ZNF730: variants seen among roughly 807,000 people sequenced by gnomAD.
The protein encoded by ZNF730 is putative zinc finger protein 730.
A neutral mutation model predicts 12.6 loss-of-function variants in ZNF730; 12 were observed. The observed-to-expected ratio is 0.95, with a 90% CI of 0.61 to 1.54. ZNF730 has a LOEUF of 1.54. ZNF730 is among the 40% of genes most tolerant of loss of function. The pLI is 0.00. For missense variants in ZNF730, 643 were observed against 583.5 expected (o/e 1.10, Z -1.05); for synonymous variants, 194 against 195.8 (o/e 0.99, Z 0.08).
intron 3 of ZNF730, among the ~76,000 whole-genome samples, chr19:23,142,334 T>C (rs1398882940): frequency 6.6e-6 from 1 of 152,182 alleles, no homozygotes; most frequent in East Asian, 1.9e-4. Context: ...AAGTGACTTG[T>C]AGAAAGGCAA....
In ZNF730 at chr19:23,145,292, A is replaced by C. The variant is rs778751611; in HGVS notation, c.248A>C (p.Gln83Pro). 1.4e-5 allele frequency: 22 copies of C among 1,556,122 alleles called. No individual in the cohort carries two copies. The highest frequency in any genetic ancestry group is 1.9e-5 in the Non-Finnish European group (22 of 1,155,374). The change falls in exon 4 of 4, where the codon CAA becomes CCA. Residue 83 changes from glutamine (Q) to proline (P), a missense_variant. Physicochemically the swap from Gln to Pro is moderately conservative, Grantham distance 76. Coordinates refer to ENST00000597761, the MANE Select transcript of ZNF730 (RefSeq NM_001277403.2). ...TCAGTTATATGTTCTCATATTGCCC[A>C]AGACCTTTGGCCAGAGCAAGGCATA... ...KPPVICSHIA[Q>P]DLWPEQGIKD...
chr19:23,093,479 T>C (rs1307197163), intron 1 of ZNF730, among the ~76,000 whole-genome samples: 2 of 152,130 alleles, frequency 1.3e-5, no homozygotes, highest in Non-Finnish European at 2.9e-5. Flanking sequence ...GCCCCTGCTG[T>C]GGGTTAGGGG....
At chr19:23,096,157 A>G (rs577607865) in intron 1 of ZNF730, among the ~76,000 whole-genome samples, 1 of 152,194 alleles carries the variant, frequency 6.6e-6, no homozygotes, top group South Asian at 2.1e-4. Context: ...GAGACCCTCA[A>G]TTAGGTGAAA....
intron 1 of ZNF730, among the ~76,000 whole-genome samples, chr19:23,111,351 G>T (rs956368540): frequency 3.3e-5 from 5 of 152,168 alleles, no homozygotes; most frequent in African/African-American, 1.2e-4. Context: ...ATGCAAGAGG[G>T]TTGATGTTAT....
At chr19:23,127,728 T>A in intron 1 of ZNF730, 1 of 1,191,222 alleles carries the variant, frequency 8.4e-7, no homozygotes, top group South Asian at 1.2e-5. Context: ...AGATCTACAT[T>A]TATTGCTTTA....
chr19:23,099,675 A>G (rs1018671861), intron 1 of ZNF730, among the ~76,000 whole-genome samples: 5 of 152,144 alleles, frequency 3.3e-5, no homozygotes, highest in African/African-American at 1.2e-4. Context: ...CACCATTGAG[A>G]TTGTGACTTC....
At chr19:23,116,935 AAACGTTATCCAATCGGGGACACTGG>A, upstream of ZNF730, 2 of 101,644 alleles carry the variant, frequency 2.0e-5, no homozygotes, top group Non-Finnish European at 3.5e-5. Context: ...GCGGGGCCTT[AAACGTTATCCAATCGGGGACACTGG>A]GCGGGGGGCC....
chr19:23,107,978 G>A (rs868174108), intron 1 of ZNF730, among the ~76,000 whole-genome samples: 5 of 152,038 alleles, frequency 3.3e-5, no homozygotes, highest in African/African-American at 4.8e-5. Flanking sequence ...GATTGCCAAC[G>A]CCGAGGCACC....
chr19:23,139,162 A>G (rs866121604), intron 3 of ZNF730, among the ~76,000 whole-genome samples: 26 of 152,210 alleles, frequency 1.7e-4, no homozygotes, highest in Middle Eastern at 3.2e-3. Flanking sequence ...CTATGTCTAA[A>G]AAATAACATG....
chr19:23,106,180 T>G (rs1970390480), intron 1 of ZNF730, among the ~76,000 whole-genome samples: 1 of 145,920 alleles, frequency 6.9e-6, no homozygotes, highest in Non-Finnish European at 1.5e-5. Context: ...GATGGAGAAA[T>G]AGAAGGAGGA....
chr19:23,090,532 A>G (rs7255515), intron 1 of ZNF730, among the ~76,000 whole-genome samples: 2,607 of 152,288 alleles, frequency 0.017, 58 homozygotes, highest in African/African-American at 0.058. Context: ...TGATGATGCA[A>G]TAGAAAAGAA....
chr19:23,142,202 T>G (rs991817634), intron 3 of ZNF730, among the ~76,000 whole-genome samples: 1 of 152,182 alleles, frequency 6.6e-6, no homozygotes, highest in Non-Finnish European at 1.5e-5. Flanking sequence ...CATGATAGTT[T>G]TTAACTTAAG....
chr19:23,117,233 G>A (rs1970541127), intron 1 of ZNF730, 57 bp downstream of exon 1: 3 of 1,612,982 alleles, frequency 1.9e-6, no homozygotes, highest in Admixed American at 1.7e-5. Context: ...GGAACCGGTG[G>A]GAAGCGGCTG....
chr19:23,118,697 A>G (rs567627583), intron 1 of ZNF730, among the ~76,000 whole-genome samples: 11 of 152,338 alleles, frequency 7.2e-5, no homozygotes, highest in African/African-American at 2.6e-4. Context: ...ATTGCGGGTC[A>G]GCCAATCTTA....
chr19:23,122,132 C>CT lies in ZNF730; in HGVS notation c.3+4983dup, dbSNP rs71163449. ...AAAGTAGACACAAATTTGTTTAAAG[C>CT]TTTTTTTTTTTTTTTTTTTTTTTTT... On this transcript the variant is annotated intron_variant, in intron 1 of 3. Transcript: ENST00000597761. Among the ~76,000 whole-genome samples, 47 of 22,814 alleles carry CT rather than the reference C, an allele frequency of 2.1e-3. 10 individuals carry two copies. The highest frequency in any genetic ancestry group is 5.0e-3 in the African/African-American group (30 of 6,004). The allele number at this position is 22,814 out of a possible 152,430, so 15.0% of individuals were successfully genotyped here. A position where few individuals can be genotyped will look rare whatever the true frequency, so the allele number is the denominator to read the frequency against.
At chr19:23,094,053 T>A (rs1490745402) in intron 1 of ZNF730, among the ~76,000 whole-genome samples, 1 of 152,164 alleles carries the variant, frequency 6.6e-6, no homozygotes, top group Non-Finnish European at 1.5e-5. Flanking sequence ...CGATTGTGGC[T>A]CACTGCTACC....
intron 3 of ZNF730, among the ~76,000 whole-genome samples, chr19:23,138,427 G>A (rs1270201947): frequency 1.3e-5 from 2 of 152,158 alleles, no homozygotes; most frequent in African/African-American, 2.4e-5. Flanking sequence ...AAGTGCTTCG[G>A]GGAAGACAAT....
intron 1 of ZNF730, among the ~76,000 whole-genome samples, chr19:23,109,040 C>CCATGCACGGCT (rs1555713781): frequency 6.6e-6 from 1 of 152,152 alleles, no homozygotes; most frequent in Non-Finnish European, 1.5e-5. Flanking sequence ...GCATGAGCCA[C>CCATGCACGGCT]AGCACCCAGC....
At chr19:23,116,919 GA>G, upstream of ZNF730, 7 of 397,732 alleles carry the variant, frequency 1.8e-5, no homozygotes, top group Non-Finnish European at 2.6e-5. Context: ...CTCAGGGCCT[GA>G]GGGGGCGGGG....
Sources: allele counts gnomAD v4.1 joint callset (sites outside exome capture counted in the v4.1 genomes callset), GRCh38; gene constraint gnomAD v4.1.1; transcripts MANE v1.5; gene names NCBI Gene and HGNC (gene_info 2026-07-23, HGNC 2026-07-21).